MECOM: variants seen among roughly 807,000 people sequenced by gnomAD.
MECOM encodes the protein histone-lysine N-methyltransferase MECOM.
MECOM carries 13 observed loss-of-function variants against 116.3 expected under a neutral mutation model. That is an observed-to-expected ratio of 0.11 (90% CI 0.07 to 0.18). The LOEUF (loss-of-function observed/expected upper bound fraction) is 0.18, where lower values mean the gene tolerates loss of function less well. Among genes scored for constraint, MECOM ranks in the 10% least tolerant of loss-of-function variants. The pLI, the probability that MECOM is intolerant of heterozygous loss-of-function variation, is 1.00. For missense variants in MECOM, 1,299 were observed against 1,509.0 expected, an observed-to-expected ratio of 0.86 and a Z score of 2.31; for synonymous variants, 528 against 535.2, an observed-to-expected ratio of 0.99 and a Z score of 0.19.
chr3:169,572,479 TCCCATTGCTG>T (rs1407744753), intron 1 of MECOM, among the ~76,000 whole-genome samples: 1 of 152,170 alleles, frequency 6.6e-6, no homozygotes, highest in Non-Finnish European at 1.5e-5. Context: ...GACCCAGCAA[TCCCATTGCTG>T]GGTATATACC....
chr3:169,494,869 C>T (rs1753627500), intron 1 of MECOM, among the ~76,000 whole-genome samples: 1 of 152,154 alleles, frequency 6.6e-6, no homozygotes, highest in Non-Finnish European at 1.5e-5. Flanking sequence ...CACCTTCATC[C>T]TTATCATTAA....
chr3:169,105,805 C>A (rs967095287), intron 10 of MECOM, among the ~76,000 whole-genome samples: 9 of 152,116 alleles, frequency 5.9e-5, no homozygotes, highest in African/African-American at 2.2e-4. Flanking sequence ...AGGCTATTAA[C>A]TTTATACTGA....
chr3:169,239,104 T>C (rs562703722), intron 2 of MECOM, among the ~76,000 whole-genome samples: 1 of 152,262 alleles, frequency 6.6e-6, no homozygotes, highest in South Asian at 2.1e-4. Flanking sequence ...TAAAAGTAAA[T>C]TTTAAATTAA....
intron 1 of MECOM, among the ~76,000 whole-genome samples, chr3:169,510,306 A>G (rs1357237477): frequency 6.6e-6 from 1 of 152,094 alleles, no homozygotes. Flanking sequence ...TTCAGGCAGC[A>G]CCTGTCACCA....
chr3:169,342,903 G>A (rs1724777060), intron 2 of MECOM, among the ~76,000 whole-genome samples: 2 of 152,122 alleles, frequency 1.3e-5, no homozygotes, highest in South Asian at 4.1e-4. Context: ...TGATGCCAGG[G>A]GAGGATGATT....
intron 1 of MECOM, among the ~76,000 whole-genome samples, chr3:169,493,190 G>T (rs1372348327): frequency 6.6e-6 from 1 of 152,086 alleles, no homozygotes; most frequent in Non-Finnish European, 1.5e-5. Flanking sequence ...TTGAACATTT[G>T]CTGGGTACCA....
At chr3:169,108,230 C>T (rs1726097783) in intron 9 of MECOM, among the ~76,000 whole-genome samples, 1 of 152,150 alleles carries the variant, frequency 6.6e-6, no homozygotes, top group African/African-American at 2.4e-5. Flanking sequence ...GCAGATGCTT[C>T]CTTTTTATTA....
intron 2 of MECOM, among the ~76,000 whole-genome samples, chr3:169,169,479 G>A (rs935354611): frequency 1.3e-5 from 2 of 152,088 alleles, no homozygotes; most frequent in African/African-American, 4.8e-5. Flanking sequence ...AGACATTCCA[G>A]AATCCAGGTG....
At chr3:169,405,489 T>A (rs565311517) in intron 1 of MECOM, among the ~76,000 whole-genome samples, 2 of 152,216 alleles carry the variant, frequency 1.3e-5, no homozygotes, top group Non-Finnish European at 2.9e-5. Flanking sequence ...TTTTTTGCCA[T>A]GTAAATTTGC....
chr3:169,105,700 G>A (rs1055933656), intron 10 of MECOM, among the ~76,000 whole-genome samples: 3 of 151,864 alleles, frequency 2.0e-5, no homozygotes, highest in Non-Finnish European at 4.4e-5. Context: ...TTTTCCTATG[G>A]AACAGTAATT....
chr3:169,242,053 A>G lies in MECOM; in HGVS notation c.376-98221T>C, dbSNP rs147826419. 3.9e-5 allele frequency among the ~76,000 whole-genome samples: 6 copies of G among 152,344 alleles called. No individual in the cohort carries two copies. In the East Asian group the frequency reaches 1.2e-3, roughly 29 times the overall value. The stretch of plus-strand genomic sequence containing the variant: ...CTGATGATCTGTCGGCTAACTGAGC[A>G]GTGTTTCATATGTCACCAGCTAACT... On this transcript the variant is annotated intron_variant, in intron 2 of 16. Transcript: ENST00000651503.
intron 7 of MECOM, among the ~76,000 whole-genome samples, chr3:169,117,936 C>T (rs899755559): frequency 6.6e-6 from 1 of 152,090 alleles, no homozygotes; most frequent in Non-Finnish European, 1.5e-5. Context: ...CACTTCTGTG[C>T]ATGTTCAATA....
At chr3:169,391,899 C>T (rs1252348133) in intron 1 of MECOM, among the ~76,000 whole-genome samples, 2 of 152,074 alleles carry the variant, frequency 1.3e-5, no homozygotes, top group African/African-American at 4.8e-5. Flanking sequence ...TGATGGGCAC[C>T]AGGCACTGCC....
At chr3:169,477,808 G>T (rs935798700) in intron 1 of MECOM, among the ~76,000 whole-genome samples, 4 of 152,134 alleles carry the variant, frequency 2.6e-5, no homozygotes, top group African/African-American at 4.8e-5. Flanking sequence ...CAAAACAAAA[G>T]TGATACACGG....
intron 1 of MECOM, among the ~76,000 whole-genome samples, chr3:169,453,803 C>T (rs1259280930): frequency 6.6e-6 from 1 of 152,062 alleles, no homozygotes; most frequent in African/African-American, 2.4e-5. Context: ...TTTTATTCTC[C>T]CATTTCAGTT....
chr3:169,097,974 C>T (rs1722265536), intron 12 of MECOM, among the ~76,000 whole-genome samples: 1 of 152,034 alleles, frequency 6.6e-6, no homozygotes, highest in Admixed American at 6.6e-5. Flanking sequence ...CCAGAAGGCA[C>T]AGGTCAGCCA....
chr3:169,657,809 T>C (rs1452419712), intron 1 of MECOM, among the ~76,000 whole-genome samples: 1 of 152,240 alleles, frequency 6.6e-6, no homozygotes, highest in African/African-American at 2.4e-5. Flanking sequence ...TTCTTCCCTA[T>C]GTAGAGACAT....
intron 9 of MECOM, among the ~76,000 whole-genome samples, chr3:169,108,443 A>G (rs1726180340): frequency 6.6e-6 from 1 of 152,196 alleles, no homozygotes; most frequent in Non-Finnish European, 1.5e-5. Context: ...TTTTATTAGC[A>G]TAGGACTCAG....
intron 1 of MECOM, chr3:169,483,698 G>A (rs1578229495): frequency 7.6e-6 from 12 of 1,579,486 alleles, no homozygotes; most frequent in South Asian, 6.7e-5. Context: ...CCTCTTCTTC[G>A]TCCTGGTTAA....
Sources: gnomAD v4.1 joint callset for allele counts (sites outside exome capture counted in the v4.1 genomes callset) on GRCh38, gnomAD v4.1.1 for gene constraint, MANE v1.5 for transcripts, NCBI Gene and HGNC (gene_info 2026-07-23, HGNC 2026-07-21) for gene names.